Variants in PDZD2 observed in about 807,000 individuals in gnomAD.
The protein encoded by PDZD2 is PDZ domain-containing protein 2.
A neutral mutation model predicts 220.7 loss-of-function variants in PDZD2; 90 were observed. The ratio of observed to expected loss-of-function variants is 0.41; its 90% CI spans 0.34 to 0.49. PDZD2 has a LOEUF of 0.49. Among genes scored for constraint, PDZD2 ranks in the 20% least tolerant of loss-of-function variants. The pLI is 0.28. For missense variants in PDZD2, 3,174 were observed against 3,608.5 expected, an observed-to-expected ratio of 0.88 and a Z score of 3.08; for synonymous variants, 1,375 against 1,450.5, an observed-to-expected ratio of 0.95 and a Z score of 1.18.
intron 1 of PDZD2, among the ~76,000 whole-genome samples, chr5:31,766,192 C>T (rs962528834): frequency 6.6e-6 from 1 of 151,948 alleles, no homozygotes; most frequent in African/African-American, 2.4e-5. Flanking sequence ...AACAAACAAA[C>T]AAACAAAAAT....
chr5:31,897,162 A>G (rs1174305316), intron 2 of PDZD2, among the ~76,000 whole-genome samples: 1 of 152,016 alleles, frequency 6.6e-6, no homozygotes, highest in African/African-American at 2.4e-5. Context: ...GCAGAAACAT[A>G]TTTATATTTA....
chr5:31,768,304 A>G (rs1752144952), intron 1 of PDZD2, among the ~76,000 whole-genome samples: 1 of 152,202 alleles, frequency 6.6e-6, no homozygotes. Context: ...GATATTCTGG[A>G]TGCTGCAGTG....
chr5:31,958,334 A>G (rs1209499978), intron 2 of PDZD2, among the ~76,000 whole-genome samples: 2 of 151,010 alleles, frequency 1.3e-5, no homozygotes, highest in African/African-American at 4.9e-5. Flanking sequence ...GGTCACTGCA[A>G]CCTCTGCCTC....
At chr5:31,689,351 ATAT>A (rs1387579785) in intron 1 of PDZD2, among the ~76,000 whole-genome samples, 2 of 28,186 alleles carry the variant, frequency 7.1e-5, no homozygotes, top group African/African-American at 5.9e-4. Context: ...ATATATATAT[ATAT>A]TTTTTTTTTT....
intron 1 of PDZD2, among the ~76,000 whole-genome samples, chr5:31,678,406 G>A (rs1561378926): frequency 6.6e-6 from 1 of 152,174 alleles, no homozygotes; most frequent in Non-Finnish European, 1.5e-5. Context: ...GCTGGCACCT[G>A]AGAGCCTTGT....
At chr5:31,779,917 T>C (rs1402786099) in intron 1 of PDZD2, among the ~76,000 whole-genome samples, 1 of 152,172 alleles carries the variant, frequency 6.6e-6, no homozygotes, top group Non-Finnish European at 1.5e-5. Context: ...CTTGCTGTGC[T>C]GGAATAAGCA....
At chr5:31,935,811 C>T (rs1745670723) in intron 2 of PDZD2, among the ~76,000 whole-genome samples, 1 of 152,148 alleles carries the variant, frequency 6.6e-6, no homozygotes, top group South Asian at 2.1e-4. Flanking sequence ...AATCTTCAGT[C>T]CTCCTCCCTG....
chr5:31,961,638 CTTTGT>C (rs1463100002), intron 2 of PDZD2, among the ~76,000 whole-genome samples: 1 of 152,034 alleles, frequency 6.6e-6, no homozygotes, highest in Non-Finnish European at 1.5e-5. Flanking sequence ...CTCTCAGTTG[CTTTGT>C]TTTGTTTGTT....
chr5:31,803,204 C>A (rs533126905), intron 2 of PDZD2, among the ~76,000 whole-genome samples: 66 of 150,830 alleles, frequency 4.4e-4, no homozygotes, highest in Non-Finnish European at 7.2e-4. Context: ...CTCAAAGGAT[C>A]CTCCCACCTT....
At chr5:32,043,815 C>T (rs372800801) in intron 7 of PDZD2, among the ~76,000 whole-genome samples, 9 of 151,880 alleles carry the variant, frequency 5.9e-5, no homozygotes, top group East Asian at 2.0e-4. Flanking sequence ...TTAGTAGAGA[C>T]GGGGTTTCAC....
At chr5:31,724,129 A>G (rs911360588) in intron 1 of PDZD2, among the ~76,000 whole-genome samples, 4 of 152,248 alleles carry the variant, frequency 2.6e-5, no homozygotes, top group Non-Finnish European at 5.9e-5. Flanking sequence ...ATTATGGTCA[A>G]CAATACTCCT....
chr5:31,762,153 C>G (rs980291960), intron 1 of PDZD2, among the ~76,000 whole-genome samples: 5 of 152,322 alleles, frequency 3.3e-5, no homozygotes, highest in African/African-American at 1.2e-4. Flanking sequence ...GCTCCACCTC[C>G]AACACTGGGG....
chr5:32,052,404 C>T, intron 8 of PDZD2: 1 of 460,332 alleles, frequency 2.2e-6, no homozygotes, highest in South Asian at 2.5e-5. Context: ...CCTTGGCCTC[C>T]CAAAGTGCTG....
At chr5:32,047,571 T>C (rs1372254729) in intron 7 of PDZD2, among the ~76,000 whole-genome samples, 3 of 152,344 alleles carry the variant, frequency 2.0e-5, no homozygotes, top group East Asian at 1.9e-4. Context: ...ACAAAGGCCA[T>C]TTGTGGCCCA....
At chr5:31,839,316 C>T (rs899384427) in intron 2 of PDZD2, among the ~76,000 whole-genome samples, 2 of 151,952 alleles carry the variant, frequency 1.3e-5, no homozygotes, top group Non-Finnish European at 2.9e-5. Context: ...TCATTTTATC[C>T]TCTGTAATGA....
chr5:32,098,529 A>G lies in PDZD2; in HGVS notation c.8113A>G (p.Lys2705Glu). 6 of 1,614,176 alleles carry G rather than the reference A, an allele frequency of 3.7e-6. No homozygotes were observed. Among genetic ancestry groups the G allele is most frequent in the Non-Finnish European group, 4.2e-6 (5 of 1,180,008 alleles). ...QLHKDALVVI[K>E]KGMDQPRPSA... ...GCACAAAGATGCCCTCGTGGTCATC[A>G]AGAAAGGGATGGATCAGCCCAGGCC... is the stretch of plus-strand genomic sequence containing the variant. The change falls in exon 23 of 25, where the codon AAG (lysine) becomes GAG (glutamate). Residue 2705 changes from lysine to glutamate, a missense_variant. Physicochemically the swap from Lys to Glu is moderately conservative, Grantham distance 56. Coordinates refer to ENST00000438447, the MANE Select transcript of PDZD2 (RefSeq NM_178140.4). This position sits in a 1 kb window ranked among gnomAD's most constrained non-coding sequence, Gnocchi z 4.1.
rs780518343 is a variant in PDZD2, at chr5:32,088,361, C to G, written c.4913C>G (p.Pro1638Arg). ...GTTCTGTCATTAAAATACAGCACTC[C>G]GAGAGAGTCGGTGGCCAGTCCCCGT... ...AKVLSLKYSTPRESVASPREK... is the reference protein window; with the variant it reads ...AKVLSLKYSTRRESVASPREK... Residue 1638 changes from proline to arginine, a missense_variant, in exon 20 of 25, where the codon CCG (proline) becomes CGG (arginine). This residue lies in a region of PDZD2 where 1,861 missense variants were observed against 2,001.0 expected (regional missense o/e 0.93). Transcript: ENST00000438447. The surrounding 1 kb of genome is among the most constrained non-coding windows in gnomAD (Gnocchi z 4.6). 1.9e-6 allele frequency: 3 copies of G among 1,613,932 alleles called. No individual in the cohort carries two copies. The highest frequency in any genetic ancestry group is 1.3e-5 in the African/African-American group (1 of 74,900).
At chr5:31,946,596 A>G (rs774009087) in intron 2 of PDZD2, among the ~76,000 whole-genome samples, 3 of 152,216 alleles carry the variant, frequency 2.0e-5, no homozygotes, top group Non-Finnish European at 4.4e-5. Flanking sequence ...TCCCTTATTT[A>G]TACTTGTTTG....
At chr5:31,675,562 A>G (rs591472) in intron 1 of PDZD2, among the ~76,000 whole-genome samples, 14,540 of 152,290 alleles carry the variant, frequency 0.095, 719 homozygotes, top group East Asian at 0.15. Flanking sequence ...GCTCCAAGAA[A>G]GAAACAAGCC....
Sources: allele counts gnomAD v4.1 joint callset (sites outside exome capture counted in the v4.1 genomes callset), GRCh38; gene constraint gnomAD v4.1.1; regional missense constraint gnomAD v4.1.1; non-coding constraint Gnocchi (gnomAD v3.1); transcripts MANE v1.5; gene names NCBI Gene and HGNC (gene_info 2026-07-23, HGNC 2026-07-21).